CFAP61: variants seen among roughly 807,000 people sequenced by gnomAD.
CFAP61 encodes cilia- and flagella-associated protein 61.
In CFAP61, 107 loss-of-function variants were observed where a neutral mutation model predicts 135.6. The observed-to-expected ratio is 0.79, with a 90% confidence interval of 0.67 to 0.93. The LOEUF (loss-of-function observed/expected upper bound fraction) is 0.93. Ranked by LOEUF, CFAP61 falls within the 40% of genes least tolerant of loss-of-function variation. The pLI, the probability that CFAP61 is intolerant of heterozygous loss-of-function variation, is 0.00. For missense variants in CFAP61, 1,507 were observed against 1,556.2 expected (o/e 0.97, Z 0.53); for synonymous variants, 575 against 578.5 (o/e 0.99, Z 0.09).
intron 26 of CFAP61, 55 bp from the exon 27 acceptor site, chr20:20,360,155 C>CAACT (rs1274356645): frequency 1.5e-6 from 2 of 1,331,566 alleles, no homozygotes; most frequent in African/African-American, 1.4e-5. Flanking sequence ...ACTGCCGTTA[C>CAACT]AACTGTGCAG....
intron 12 of CFAP61, among the ~76,000 whole-genome samples, chr20:20,167,797 A>G (rs1321216219): frequency 1.3e-5 from 2 of 152,206 alleles, no homozygotes; most frequent in African/African-American, 2.4e-5. Flanking sequence ...AGTTGCACAA[A>G]TGTCCCCAGG....
intron 1 of CFAP61, among the ~76,000 whole-genome samples, chr20:20,054,574 T>C (rs1328974694): frequency 1.3e-5 from 2 of 152,266 alleles, no homozygotes; most frequent in African/African-American, 4.8e-5. Flanking sequence ...AATACATTCA[T>C]GCTCATTTGT....
At chr20:20,077,401 T>G (rs908861029) in intron 6 of CFAP61, among the ~76,000 whole-genome samples, 1 of 152,030 alleles carries the variant, frequency 6.6e-6, no homozygotes, top group Non-Finnish European at 1.5e-5. Context: ...CAGATAGAGA[T>G]AGAAACCAAG....
At chr20:20,130,125 T>C (rs963728492) in intron 8 of CFAP61, among the ~76,000 whole-genome samples, 1 of 151,400 alleles carries the variant, frequency 6.6e-6, no homozygotes, top group Non-Finnish European at 1.5e-5. Flanking sequence ...CCGTCTCTAC[T>C]AAAGATACAA....
At chr20:20,339,490 T>A (rs2122360819) in intron 25 of CFAP61, among the ~76,000 whole-genome samples, 1 of 152,258 alleles carries the variant, frequency 6.6e-6, no homozygotes, top group South Asian at 2.1e-4. Flanking sequence ...GGTTTCACTC[T>A]GTCACCTAGG....
At chr20:20,327,461 A>G (rs1048523880) in intron 25 of CFAP61, among the ~76,000 whole-genome samples, 1 of 152,120 alleles carries the variant, frequency 6.6e-6, no homozygotes, top group African/African-American at 2.4e-5. Flanking sequence ...CTTCCCTCAG[A>G]AAAATTAAAC....
chr20:20,225,563 G>A (rs527318220), intron 17 of CFAP61: 7 of 152,142 alleles, frequency 4.6e-5, no homozygotes, highest in Non-Finnish European at 7.4e-5. Flanking sequence ...TTTGTATCAC[G>A]GATAGAGGAG....
intron 25 of CFAP61, among the ~76,000 whole-genome samples, chr20:20,300,515 A>G (rs2055998102): frequency 6.6e-6 from 1 of 152,218 alleles, no homozygotes; most frequent in South Asian, 2.1e-4. Context: ...TTAAACAGTA[A>G]AAAGTAAAAT....
At chr20:20,100,264 C>T (rs1368908622) in intron 8 of CFAP61, among the ~76,000 whole-genome samples, 1 of 151,898 alleles carries the variant, frequency 6.6e-6, no homozygotes, top group African/African-American at 2.4e-5. Flanking sequence ...CCTCTGCCTC[C>T]AGGGTTCAAG....
intron 24 of CFAP61, among the ~76,000 whole-genome samples, chr20:20,294,141 G>A (rs1382216542): frequency 6.6e-6 from 1 of 152,172 alleles, no homozygotes; most frequent in Non-Finnish European, 1.5e-5. Flanking sequence ...CTACCAAACC[G>A]GAAGGTTGCA....
At chr20:20,090,638 C>T (rs891250412) in intron 6 of CFAP61, among the ~76,000 whole-genome samples, 2 of 142,892 alleles carry the variant, frequency 1.4e-5, no homozygotes, top group South Asian at 2.2e-4. Flanking sequence ...TGCAATGAGC[C>T]GAGATCACGC....
chr20:20,300,607 G>GTTTTTTTTTTTTTTTTT (rs760598213), intron 25 of CFAP61, among the ~76,000 whole-genome samples: 1 of 145,674 alleles, frequency 6.9e-6, no homozygotes, highest in Non-Finnish European at 1.5e-5. Flanking sequence ...TGTTTTTTTT[G>GTTTTTTTTTTTTTTTTT]TTTTTTTTTT....
intron 25 of CFAP61, among the ~76,000 whole-genome samples, chr20:20,333,276 C>G (rs913066194): frequency 3.3e-5 from 5 of 152,208 alleles, no homozygotes; most frequent in African/African-American, 4.8e-5. Context: ...CCTGGAGTGT[C>G]TCCTTGAATT....
intron 20 of CFAP61, among the ~76,000 whole-genome samples, chr20:20,262,000 A>C (rs1021702446): frequency 2.0e-5 from 3 of 152,260 alleles, no homozygotes; most frequent in African/African-American, 7.2e-5. Flanking sequence ...AAGACAAGGA[A>C]TAATCCTATA....
At chr20:20,296,324 T>C (rs1348523934) in intron 24 of CFAP61, among the ~76,000 whole-genome samples, 9 of 66,218 alleles carry the variant, frequency 1.4e-4, no homozygotes, top group African/African-American at 4.8e-4. Flanking sequence ...CCCTCCTTCC[T>C]TCCCTTCCTT....
intron 25 of CFAP61, chr20:20,322,631 C>T: frequency 1.0e-6 from 1 of 959,748 alleles, no homozygotes; most frequent in Non-Finnish European, 1.2e-6. Context: ...GTATCATTAA[C>T]TCCCTTCCCT....
At chr20:20,155,055 T>G (rs905121633) in intron 9 of CFAP61, among the ~76,000 whole-genome samples, 1 of 152,148 alleles carries the variant, frequency 6.6e-6, no homozygotes, top group Non-Finnish European at 1.5e-5. Flanking sequence ...CAAAAAAGCA[T>G]GGTACTGGTA....
At chr20:20,147,167 C>T (rs1470996313) in intron 9 of CFAP61, among the ~76,000 whole-genome samples, 1 of 152,116 alleles carries the variant, frequency 6.6e-6, no homozygotes, top group Non-Finnish European at 1.5e-5. Context: ...CTTAGTTTGG[C>T]TACATATCTT....
At chr20:20,178,279 T>G (rs914416824) in intron 13 of CFAP61, among the ~76,000 whole-genome samples, 1 of 152,220 alleles carries the variant, frequency 6.6e-6, no homozygotes, top group Non-Finnish European at 1.5e-5. Context: ...ATAAATTAAA[T>G]GCTTCCTTTA....
Sources: allele counts gnomAD v4.1 joint callset (sites outside exome capture counted in the v4.1 genomes callset), GRCh38; gene constraint gnomAD v4.1.1; transcripts MANE v1.5; gene names NCBI Gene and HGNC (gene_info 2026-07-23, HGNC 2026-07-21).